SUSD6: variants seen among roughly 807,000 people sequenced by gnomAD.
SUSD6 encodes sushi domain containing 6.
SUSD6 carries 16 observed loss-of-function variants against 28.4 expected under a neutral mutation model. That is an observed-to-expected ratio of 0.56 (90% CI 0.38 to 0.86). The LOEUF (loss-of-function observed/expected upper bound fraction) is 0.86. SUSD6 is among the 40% of genes least tolerant of loss of function. The pLI, the probability that SUSD6 is intolerant of heterozygous loss-of-function variation, is 0.00. For missense variants in SUSD6, 341 were observed against 384.2 expected (o/e 0.89, Z 0.94); for synonymous variants, 147 against 159.6 (o/e 0.92, Z 0.59).
intron 2 of SUSD6, among the ~76,000 whole-genome samples, chr14:69,674,190 C>T (rs1885874388): frequency 6.6e-6 from 1 of 152,150 alleles, no homozygotes. Context: ...CTATCTTACC[C>T]CACTGCCAGC....
chr14:69,650,450 T>C (rs1227693082), intron 1 of SUSD6, among the ~76,000 whole-genome samples: 1 of 152,200 alleles, frequency 6.6e-6, no homozygotes, highest in Non-Finnish European at 1.5e-5. Context: ...TTTTCCATGA[T>C]ACTGGCCTCC....
chr14:69,696,765 A>T (rs987467897), intron 2 of SUSD6, among the ~76,000 whole-genome samples: 10 of 152,168 alleles, frequency 6.6e-5, no homozygotes. Context: ...GAGAACTTGA[A>T]ATGTGTTTAG....
chr14:69,650,375 G>C (rs1469143050), intron 1 of SUSD6, among the ~76,000 whole-genome samples: 3 of 152,206 alleles, frequency 2.0e-5, no homozygotes, highest in Non-Finnish European at 4.4e-5. Context: ...CCAGTTTACA[G>C]ACGGCGACTG....
At chr14:69,661,047 T>C (rs958868704) in intron 2 of SUSD6, among the ~76,000 whole-genome samples, 1 of 152,198 alleles carries the variant, frequency 6.6e-6, no homozygotes, top group Non-Finnish European at 1.5e-5. Context: ...CAAAACCAGC[T>C]TGGGCTTCAG....
intron 2 of SUSD6, among the ~76,000 whole-genome samples, chr14:69,675,518 A>C (rs1444476558): frequency 2.0e-5 from 3 of 147,200 alleles, no homozygotes; most frequent in African/African-American, 5.0e-5. Context: ...ATCTGTTTTT[A>C]TAGTTGCAAC....
At chr14:69,629,866 G>A (rs1285712626) in intron 1 of SUSD6, among the ~76,000 whole-genome samples, 1 of 152,194 alleles carries the variant, frequency 6.6e-6, no homozygotes, top group Non-Finnish European at 1.5e-5. Flanking sequence ...CTTAAATGAG[G>A]GAGGGTGGGC....
chr14:69,670,562 C>G, intron 2 of SUSD6: 1 of 455,216 alleles, frequency 2.2e-6, no homozygotes. Context: ...GTGAAGAAGG[C>G]AGTGCCTTGG....
At chr14:69,648,750 C>A (rs1885462487) in intron 1 of SUSD6, among the ~76,000 whole-genome samples, 1 of 152,152 alleles carries the variant, frequency 6.6e-6, no homozygotes, top group African/African-American at 2.4e-5. Context: ...GTGTTTCCTG[C>A]ATAGCTGTAA....
intron 1 of SUSD6, among the ~76,000 whole-genome samples, chr14:69,630,774 C>G (rs986195960): frequency 6.6e-6 from 1 of 152,104 alleles, no homozygotes; most frequent in Non-Finnish European, 1.5e-5. Flanking sequence ...ATGTATCCAT[C>G]TTTGTCAGTT....
chr14:69,646,700 C>CT (rs61409476), intron 1 of SUSD6, among the ~76,000 whole-genome samples: 1,819 of 109,110 alleles, frequency 0.017, 152 homozygotes, highest in African/African-American at 0.055. Context: ...TTTTTTCCAT[C>CT]TTTTTTTTTT....
At chr14:69,656,682 C>T (rs183657156) in intron 1 of SUSD6, among the ~76,000 whole-genome samples, 82 of 152,226 alleles carry the variant, frequency 5.4e-4, no homozygotes, top group African/African-American at 1.9e-3. Context: ...CTATCCTAAT[C>T]CTTACATCAA....
In SUSD6 at chr14:69,617,559, T is replaced by C. The variant is rs536638645; in HGVS notation, c.-81+5731T>C. 3.3e-5 allele frequency: 5 copies of C among 152,302 alleles called. No homozygotes were observed. The South Asian group carries it at 1.0e-3, about 32-fold the overall frequency. The allele number at this position is 152,302 out of a possible 1,614,324, so 9.4% of individuals were successfully genotyped here. A position where few individuals can be genotyped will look rare whatever the true frequency, so the allele number is the denominator to read the frequency against. ...TTTGGTGCAGAACTTTAACCATTGG[T>C]GAGAGTTGACAGACGCGATAGTGCC... On this transcript the variant is annotated intron_variant, in intron 1 of 5. Coordinates refer to ENST00000342745, the MANE Select transcript of SUSD6 (RefSeq NM_014734.4).
At chr14:69,662,366 C>T (rs1444470696) in intron 2 of SUSD6, among the ~76,000 whole-genome samples, 2 of 152,180 alleles carry the variant, frequency 1.3e-5, no homozygotes, top group Non-Finnish European at 2.9e-5. Flanking sequence ...CAGTTTTGAT[C>T]ACAGTCTAAG....
chr14:69,708,926 T>A lies in SUSD6; in HGVS notation c.708T>A (p.Ser236=). 2 of 1,614,194 alleles carry A rather than the reference T, an allele frequency of 1.2e-6. No individual in the cohort carries two copies. Among genetic ancestry groups the A allele is most frequent in the Non-Finnish European group, 1.7e-6 (2 of 1,180,034 alleles). ...GAGAAGATGAGGCCCCAGGCCAGTCTGGACTATGTGAAGCCTGGGGCTCTC... is the reference window on the plus strand; with the variant it reads ...GAGAAGATGAGGCCCCAGGCCAGTCAGGACTATGTGAAGCCTGGGGCTCTC... ...AGGEDEAPGQ[S]GLCEAWGSRA... The change falls in exon 5 of 6, where the codon TCT becomes TCA. Residue 236 remains serine, a synonymous_variant. Coordinates refer to ENST00000342745, the MANE Select transcript of SUSD6 (RefSeq NM_014734.4).
At chr14:69,708,628 CTGTGTGTTTATT>C in intron 4 of SUSD6, 37 bp from the exon 5 acceptor site, 8 of 1,423,468 alleles carry the variant, frequency 5.6e-6, no homozygotes, top group Non-Finnish European at 6.6e-6. Flanking sequence ...GCCTGTTTCT[CTGTGTGTTTATT>C]CTAATTCATC....
At chr14:69,700,850 T>G (rs1009664174) in intron 2 of SUSD6, among the ~76,000 whole-genome samples, 1 of 152,240 alleles carries the variant, frequency 6.6e-6, no homozygotes, top group African/African-American at 2.4e-5. Context: ...GCACCCTTTT[T>G]GAATTTAATA....
chr14:69,690,444 G>A (rs1886136997), intron 2 of SUSD6, among the ~76,000 whole-genome samples: 1 of 152,208 alleles, frequency 6.6e-6, no homozygotes, highest in African/African-American at 2.4e-5. Flanking sequence ...CCTTAAAGAG[G>A]CTTAAATGTG....
intron 2 of SUSD6, among the ~76,000 whole-genome samples, chr14:69,663,738 C>T: frequency 6.6e-6 from 1 of 152,144 alleles, no homozygotes; most frequent in Non-Finnish European, 1.5e-5. Flanking sequence ...GTGAGGCTGG[C>T]TGGGATTTGT....
intron 1 of SUSD6, among the ~76,000 whole-genome samples, chr14:69,623,893 G>A (rs952971364): frequency 1.3e-5 from 2 of 152,184 alleles, no homozygotes; most frequent in African/African-American, 4.8e-5. Flanking sequence ...GAGTCAAAAA[G>A]TTTAAAATAA....
Sources: allele counts gnomAD v4.1 joint callset (sites outside exome capture counted in the v4.1 genomes callset), GRCh38; gene constraint gnomAD v4.1.1; transcripts MANE v1.5; gene names NCBI Gene and HGNC (gene_info 2026-07-23, HGNC 2026-07-21).